The following DNAJB13 variants were observed in gnomAD, a reference collection of about 807,000 sequenced individuals.
DNAJB13 encodes the protein DnaJ heat shock protein family (Hsp40) member B13.
DNAJB13 carries 22 observed loss-of-function variants against 35.6 expected under a neutral mutation model. The observed-to-expected ratio is 0.62, with a 90% CI of 0.44 to 0.88. DNAJB13 has a LOEUF of 0.88. Among genes scored for constraint, DNAJB13 ranks in the 40% least tolerant of loss-of-function variants. DNAJB13 has a pLI of 0.00. For synonymous variants in DNAJB13, 136 were observed against 144.2 expected (o/e 0.94, Z 0.41); for missense variants, 370 against 384.3 (o/e 0.96, Z 0.31).
intron 3 of DNAJB13, among the ~76,000 whole-genome samples, chr11:73,960,254 T>C (rs1424020104): frequency 6.6e-6 from 1 of 152,224 alleles, no homozygotes; most frequent in Non-Finnish European, 1.5e-5. Flanking sequence ...CTCTGCTCAC[T>C]GCAACCTCCG....
chr11:73,965,863 C>T lies in DNAJB13; in HGVS notation c.493-275C>T. ...AATGGTGACTGCTTGGCATCTCAGC[C>T]CCCAGCCCCAGTCTCATGGCATCCT... On this transcript the variant is annotated intron_variant, in intron 4 of 7. Transcript: ENST00000339764. 3 of 415,706 alleles carry T rather than the reference C, an allele frequency of 7.2e-6. No individual in the cohort carries two copies. In the South Asian group the frequency reaches 8.5e-5, roughly 12 times the overall value. 25.8% of individuals were successfully genotyped at this position (415,706 alleles called of 1,614,324 possible).
chr11:73,965,909 G>C, intron 4 of DNAJB13: 1 of 526,776 alleles, frequency 1.9e-6, no homozygotes. Flanking sequence ...GGAATCATAA[G>C]TTCTTGGTTG....
At chr11:73,966,759 G>C (rs1951127544) in intron 5 of DNAJB13, among the ~76,000 whole-genome samples, 1 of 151,534 alleles carries the variant, frequency 6.6e-6, no homozygotes, top group Non-Finnish European at 1.5e-5. Flanking sequence ...GCTCATTGCA[G>C]CCTCCACCTC....
In DNAJB13 at chr11:73,968,378, A is replaced by G. The variant is rs1376286153; in HGVS notation, c.640A>G (p.Ile214Val). ...CATCATCCCAGCAGACATCATTTTC[A>G]TCGTAAAGGAGAAGCTACACCCTCG... ...PNIIPADIIF[I>V]VKEKLHPRFR... The change falls in exon 6 of 8, where the codon ATC becomes GTC. Residue 214 changes from isoleucine (I) to valine (V), a missense_variant. Coordinates refer to ENST00000339764, the MANE Select transcript of DNAJB13 (RefSeq NM_153614.4). 1 of 1,613,978 alleles carries G rather than the reference A, an allele frequency of 6.2e-7. No homozygotes were observed. Among genetic ancestry groups the G allele is most frequent in the African/African-American group, 1.3e-5 (1 of 74,882 alleles).
At chr11:73,969,836 T>G (rs1951230893) in intron 7 of DNAJB13, 125 bp from the exon 8 acceptor site, 1 of 1,296,710 alleles carries the variant, frequency 7.7e-7, no homozygotes, top group Admixed American at 2.6e-5. Context: ...TAAGAACCAC[T>G]CCAGGTGAAG....
intron 3 of DNAJB13, among the ~76,000 whole-genome samples, chr11:73,962,715 C>G (rs1950968518): frequency 6.6e-6 from 1 of 152,186 alleles, no homozygotes; most frequent in South Asian, 2.1e-4. Context: ...TTCTGAACTT[C>G]ATAAGTTCTT....
At chr11:73,969,561 C>A (rs1951221385) in intron 7 of DNAJB13, among the ~76,000 whole-genome samples, 1 of 152,230 alleles carries the variant, frequency 6.6e-6, no homozygotes. Context: ...AGGCTAGAGG[C>A]CCCCATTGTT....
intron 4 of DNAJB13, chr11:73,965,671 A>G (rs1229326065): frequency 6.0e-6 from 1 of 166,366 alleles, no homozygotes; most frequent in Admixed American, 5.7e-5. Flanking sequence ...CCAGTGGGGA[A>G]TGCACTGGGG....
At chr11:73,967,347 T>C (rs1951146477) in intron 5 of DNAJB13, among the ~76,000 whole-genome samples, 1 of 152,222 alleles carries the variant, frequency 6.6e-6, no homozygotes, top group African/African-American at 2.4e-5. Context: ...CATAAATTTA[T>C]TGTCCAAGGC....
intron 1 of DNAJB13, among the ~76,000 whole-genome samples, chr11:73,957,612 G>A (rs1211933768): frequency 6.6e-6 from 1 of 152,178 alleles, no homozygotes; most frequent in African/African-American, 2.4e-5. Flanking sequence ...AGTCAAATGA[G>A]CCGTCTTCAG....
intron 2 of DNAJB13, 91 bp from the exon 3 acceptor site, chr11:73,959,398 CCCCTT>C (rs1950857822): frequency 7.0e-7 from 1 of 1,424,480 alleles, no homozygotes; most frequent in East Asian, 2.4e-5. Context: ...GCTGCTTCTG[CCCCTT>C]CCCTTTCTCC....
chr11:73,957,829 G>A (rs1481457518), intron 1 of DNAJB13, among the ~76,000 whole-genome samples: 1 of 152,204 alleles, frequency 6.6e-6, no homozygotes, highest in Non-Finnish European at 1.5e-5. Flanking sequence ...TAGATGAGCA[G>A]GAAATGCACC....
intron 2 of DNAJB13, among the ~76,000 whole-genome samples, chr11:73,959,025 G>A (rs75792837): frequency 0.034 from 5,127 of 152,294 alleles, 283 homozygotes; most frequent in African/African-American, 0.12. Flanking sequence ...AGATCACTAA[G>A]GTTTCTACAG....
rs750333087 is a variant in DNAJB13 at position 73,969,989 on chromosome 11, G to A, written c.826G>A (p.Glu276Lys). The A allele has an allele frequency of 6.2e-7, 1 of 1,611,390 alleles. No homozygotes were observed. Among genetic ancestry groups the A allele is most frequent in the East Asian group, 2.2e-5 (1 of 44,832 alleles). The change falls in exon 8 of 8, where the codon GAG (glutamate) becomes AAG (lysine). Residue 276 changes from glutamate (E) to lysine (K), a missense_variant. Glu to Lys is a moderately conservative substitution (Grantham distance 56). Transcript: ENST00000339764. ...HPKYFKKVPG[E>K]GMPLPEDPTK... is the part of the protein sequence containing the mutation. ...CAAATACTTCAAGAAGGTGCCAGGGGAGGGGATGCCATTGCCGGAGGACCC... is the reference window on the plus strand; with the variant it reads ...CAAATACTTCAAGAAGGTGCCAGGGAAGGGGATGCCATTGCCGGAGGACCC...
At chr11:73,966,093 T>C (rs1459721872) in intron 4 of DNAJB13, 45 bp from the exon 5 acceptor site, 3 of 1,546,276 alleles carry the variant, frequency 1.9e-6, no homozygotes, top group Non-Finnish European at 2.7e-6. Flanking sequence ...ACTGTACTCA[T>C]GGAAGTCCTA....
chr11:73,953,102 T>C (rs953916037), intron 1 of DNAJB13, among the ~76,000 whole-genome samples: 4 of 152,148 alleles, frequency 2.6e-5, no homozygotes, highest in African/African-American at 2.4e-5. Flanking sequence ...GGCACACACC[T>C]GTAGTCCCAG....
intron 1 of DNAJB13, among the ~76,000 whole-genome samples, chr11:73,952,800 C>G (rs1950620228): frequency 6.6e-6 from 1 of 152,186 alleles, no homozygotes; most frequent in African/African-American, 2.4e-5. Flanking sequence ...ATTACTTAAC[C>G]TCTTTGAGCC....
At chr11:73,960,700 C>G (rs893665146) in intron 3 of DNAJB13, among the ~76,000 whole-genome samples, 9 of 152,176 alleles carry the variant, frequency 5.9e-5, no homozygotes, top group Non-Finnish European at 1.0e-4. Flanking sequence ...CTTCCAGAAA[C>G]TTGCCATGCT....
chr11:73,960,270 G>A (rs753488114), intron 3 of DNAJB13, among the ~76,000 whole-genome samples: 6 of 151,986 alleles, frequency 3.9e-5, no homozygotes, highest in South Asian at 2.1e-4. Context: ...CTCCGCCTCC[G>A]GGGTTCAAGC....
Sources: gnomAD v4.1 joint callset for allele counts (sites outside exome capture counted in the v4.1 genomes callset) on GRCh38, gnomAD v4.1.1 for gene constraint, MANE v1.5 for transcripts, NCBI Gene and HGNC (gene_info 2026-07-23, HGNC 2026-07-21) for gene names.